The following USP30 variants were observed in gnomAD, a reference collection of about 807,000 sequenced individuals.
USP30 encodes ubiquitin specific peptidase 30.
In USP30, 41 loss-of-function variants were observed where a neutral mutation model predicts 68.2. That is an observed-to-expected ratio of 0.60 (90% confidence interval 0.47 to 0.78). The LOEUF (loss-of-function observed/expected upper bound fraction) is 0.78, where lower values mean the gene tolerates loss of function less well. Among genes scored for constraint, USP30 ranks in the 30% least tolerant of loss-of-function variants. The probability of loss-of-function intolerance (pLI) is 0.00; values close to 1 mark genes in which losing one functional copy is unlikely to be tolerated. For missense variants in USP30, 522 were observed against 649.4 expected, an observed-to-expected ratio of 0.80 and a Z score of 2.13; for synonymous variants, 229 against 253.7, an observed-to-expected ratio of 0.90 and a Z score of 0.93.
At chr12:109,085,147 A>G in intron 12 of USP30, 74 bp downstream of exon 12, 1 of 1,319,018 alleles carries the variant, frequency 7.6e-7, no homozygotes, top group Non-Finnish European at 9.9e-7. Flanking sequence ...TTTCACAGAA[A>G]TGAATTAAGG....
upstream of USP30, among the ~76,000 whole-genome samples, chr12:109,049,935 A>G: frequency 6.6e-6 from 1 of 152,356 alleles, no homozygotes; most frequent in Middle Eastern, 3.4e-3. Flanking sequence ...GTAGTCAGGT[A>G]GCCACAAACC....
chr12:109,081,718 G>A lies in USP30; in HGVS notation c.781-215G>A, dbSNP rs114843421. 452 of 610,980 alleles carry A rather than the reference G, an allele frequency of 7.4e-4. 4 individuals are homozygous for A. The highest frequency in any genetic ancestry group is 6.8e-3 in the African/African-American group (370 of 54,032). 37.8% of individuals were successfully genotyped at this position (610,980 alleles called of 1,614,324 possible). A position where few individuals can be genotyped will look rare whatever the true frequency, so the allele number is the denominator to read the frequency against. ...AAACAGCGTGGAAGTCCACAAGTTCGTGCAGTTACATCCTCATGCTCTAGA... is the reference window on the plus strand; with the variant it reads ...AAACAGCGTGGAAGTCCACAAGTTCATGCAGTTACATCCTCATGCTCTAGA... On this transcript the variant is annotated intron_variant, in intron 8 of 12. Coordinates refer to ENST00000257548, the MANE Select transcript of USP30 (RefSeq NM_032663.5).
chr12:109,085,476 C>A (rs556200841), intron 12 of USP30, among the ~76,000 whole-genome samples, 191 bp from the exon 13 acceptor site: 2 of 152,262 alleles, frequency 1.3e-5, no homozygotes, highest in South Asian at 4.1e-4. Flanking sequence ...ACACAATATA[C>A]ATATACTCAT....
At chr12:109,077,828 G>T (rs113399484) in intron 7 of USP30, among the ~76,000 whole-genome samples, 2,331 of 151,968 alleles carry the variant, frequency 0.015, 55 homozygotes, top group African/African-American at 0.053. Context: ...TTTGTGTTGG[G>T]GGGGGAGGGT....
At chr12:109,082,094 C>G in intron 9 of USP30, 75 bp downstream of exon 9, 4 of 1,468,732 alleles carry the variant, frequency 2.7e-6, no homozygotes, top group South Asian at 1.1e-5. Context: ...ACCAGTGACC[C>G]TGAGCTCTTC....
chr12:109,028,677 A>C (rs1010860686), intron 3 of USP30, among the ~76,000 whole-genome samples: 6 of 152,108 alleles, frequency 3.9e-5, no homozygotes, highest in Non-Finnish European at 5.9e-5. Context: ...GGGTTTCACC[A>C]TGTTGACCAG....
intron 3 of USP30, among the ~76,000 whole-genome samples, 155 bp from the exon 4 acceptor site, chr12:109,067,369 G>A (rs113473989): frequency 1.3e-3 from 192 of 151,742 alleles, no homozygotes; most frequent in African/African-American, 4.4e-3. Flanking sequence ...TGCCCACTTC[G>A]GCCTCCCAAA....
upstream of USP30, among the ~76,000 whole-genome samples, chr12:109,051,249 C>CTT (rs138942249): frequency 7.2e-3 from 459 of 63,356 alleles, 4 homozygotes; most frequent in African/African-American, 0.02. Flanking sequence ...TTACCTCTTG[C>CTT]TTTTTTTTTT....
intron 7 of USP30, among the ~76,000 whole-genome samples, chr12:109,074,162 CATA>C (rs532476614): frequency 2.5e-3 from 383 of 152,294 alleles, no homozygotes; most frequent in African/African-American, 8.8e-3. Context: ...TTTCATTTAG[CATA>C]ATATTTCCAC....
intron 3 of USP30, among the ~76,000 whole-genome samples, chr12:109,042,760 G>T (rs1009418496): frequency 2.6e-5 from 4 of 152,008 alleles, no homozygotes; most frequent in African/African-American, 9.7e-5. Flanking sequence ...CAGCAATTAG[G>T]CAAGAAAAAG....
intron 3 of USP30, among the ~76,000 whole-genome samples, chr12:109,067,199 C>T (rs939465183): frequency 2.7e-5 from 4 of 150,072 alleles, no homozygotes; most frequent in South Asian, 4.2e-4. Flanking sequence ...CTGCAAGCTC[C>T]GCCTCCCGGG....
chr12:109,085,017 A>T lies in USP30; in HGVS notation c.1233A>T (p.Leu411Phe). Residue 411 changes from leucine (L) to phenylalanine (F), a missense_variant, in exon 12 of 13, where the codon TTA becomes TTT. By Grantham distance (22) the Leu-to-Phe change is conservative. Coordinates refer to ENST00000257548, the MANE Select transcript of USP30 (RefSeq NM_032663.5). The stretch of plus-strand genomic sequence containing the variant: ...TGAATGGCGCCTGCTCCCCATCTTT[A>T]TTGCCAACGCTGTCAGCGCCGATGC... ...IFMNGACSPS[L>F]LPTLSAPMPF... The T allele has an allele frequency of 6.2e-7, 1 of 1,606,378 alleles. No individual in the cohort carries two copies. Among genetic ancestry groups the T allele is most frequent in the African/African-American group, 1.3e-5 (1 of 74,780 alleles).
intron 2 of USP30, 121 bp from the exon 3 acceptor site, chr12:109,057,805 G>A: frequency 9.0e-7 from 1 of 1,108,746 alleles, no homozygotes; most frequent in Non-Finnish European, 1.3e-6. Context: ...TGTGGATAAG[G>A]ATCTTCTTGG....
intron 3 of USP30, among the ~76,000 whole-genome samples, chr12:109,030,605 G>T (rs996953659): frequency 1.8e-4 from 27 of 152,214 alleles, no homozygotes; most frequent in Non-Finnish European, 3.2e-4. Context: ...CACACAAAAA[G>T]GTAGGTTGCT....
chr12:109,025,584 A>G (rs1260770557), intron 2 of USP30, among the ~76,000 whole-genome samples: 1 of 152,206 alleles, frequency 6.6e-6, no homozygotes, highest in East Asian at 1.9e-4. Flanking sequence ...TTGAGAAAAC[A>G]AAAACTAGCC....
At chr12:109,052,035 A>G (rs2040683206), upstream of USP30, among the ~76,000 whole-genome samples, 1 of 152,184 alleles carries the variant, frequency 6.6e-6, no homozygotes, top group African/African-American at 2.4e-5. Flanking sequence ...TATTTCTTCA[A>G]ATTTCCTGGG....
Position 109,056,774 on chromosome 12 carries a change from G to C in USP30, c.176G>C (p.Arg59Thr). ...GTTATTTGGGGTCCCATTACAGAAAGAAAGAAGCGTAGAAAAGGTAAGAAT... is the reference window on the plus strand; with the variant it reads ...GTTATTTGGGGTCCCATTACAGAAACAAAGAAGCGTAGAAAAGGTAAGAAT... ...IYVIWGPITE[R>T]KKRRKGLVPG... is the part of the protein sequence containing the mutation. The change falls in exon 2 of 13, where the codon AGA becomes ACA. Residue 59 changes from arginine to threonine, a missense_variant. Coordinates refer to ENST00000257548, the MANE Select transcript of USP30 (RefSeq NM_032663.5). 6.2e-7 allele frequency: 1 copy of C among 1,610,422 alleles called. No homozygotes were observed. Among genetic ancestry groups the C allele is most frequent in the Non-Finnish European group, 8.5e-7 (1 of 1,178,920 alleles).
In USP30 at chr12:109,070,683, C is replaced by T. The variant is rs1196194503; in HGVS notation, c.481-929C>T. Among the ~76,000 whole-genome samples, 2 of 152,074 alleles carry T rather than the reference C, an allele frequency of 1.3e-5. No individual in the cohort carries two copies. Among genetic ancestry groups the T allele is most frequent in the Non-Finnish European group, 2.9e-5 (2 of 68,004 alleles). ...GGGCCTGTGTTGTGACCCCGTTACT[C>T]CCGGAAGAGTGAGGGGTGGCTTGGG... On this transcript the variant is annotated intron_variant, in intron 4 of 12. Coordinates refer to ENST00000257548, the MANE Select transcript of USP30 (RefSeq NM_032663.5). This position sits in a 1 kb window ranked among gnomAD's most constrained non-coding sequence, Gnocchi z 4.0.
chr12:109,060,319 A>G (rs76112868), intron 3 of USP30, among the ~76,000 whole-genome samples: 38 of 152,354 alleles, frequency 2.5e-4, no homozygotes, highest in African/African-American at 9.1e-4. Flanking sequence ...GAAAAAAACT[A>G]TACTTCAACT....
Sources: gnomAD v4.1 joint callset for allele counts (sites outside exome capture counted in the v4.1 genomes callset) on GRCh38, gnomAD v4.1.1 for gene constraint, Gnocchi (gnomAD v3.1) non-coding constraint, MANE v1.5 for transcripts, NCBI Gene and HGNC (gene_info 2026-07-23, HGNC 2026-07-21) for gene names.